The following SRD5A2 variants were observed in gnomAD, a reference collection of about 807,000 sequenced individuals.
The protein encoded by SRD5A2 is steroid 5 alpha-reductase 2.
In SRD5A2, 30 loss-of-function variants were observed where a neutral mutation model predicts 27.4. The observed-to-expected ratio is 1.10, with a 90% CI of 0.82 to 1.49. The LOEUF (loss-of-function observed/expected upper bound fraction) is 1.49. Among genes scored for constraint, SRD5A2 ranks in the 40% most tolerant of loss-of-function variants. The probability of loss-of-function intolerance (pLI) is 0.00; values close to 1 mark genes in which losing one functional copy is unlikely to be tolerated. For missense variants in SRD5A2, 348 were observed against 323.4 expected (o/e 1.08, Z -0.58); for synonymous variants, 141 against 133.6 (o/e 1.06, Z -0.38).
At chr2:31,582,492 C>G (rs753417961), upstream of SRD5A2, among the ~76,000 whole-genome samples, 1 of 152,038 alleles carries the variant, frequency 6.6e-6, no homozygotes, top group Non-Finnish European at 1.5e-5. Context: ...CTCATACTGA[C>G]CGAAGCATTT....
At chr2:31,565,023 C>T (rs1417943328) in intron 1 of SRD5A2, among the ~76,000 whole-genome samples, 1 of 151,666 alleles carries the variant, frequency 6.6e-6, no homozygotes, top group Admixed American at 6.6e-5. Flanking sequence ...TAAGTTGAGG[C>T]TTTTATAGCA....
At chr2:31,541,801 T>A (rs762353414) in intron 1 of SRD5A2, among the ~76,000 whole-genome samples, 18 of 152,156 alleles carry the variant, frequency 1.2e-4, no homozygotes, top group Non-Finnish European at 5.9e-5. Context: ...ATTGTGGGGC[T>A]CTGCATTGAA....
the SRD5A2 span, among the ~76,000 whole-genome samples, chr2:31,630,592 A>C: frequency 6.6e-6 from 1 of 152,222 alleles, no homozygotes; most frequent in African/African-American, 2.4e-5. Context: ...GCCCAAATGC[A>C]TTCAATCTGT....
rs28383058 is a variant in SRD5A2 at position 31,530,226 on chromosome 2, C to T, written c.548-769G>A. Reference sequence around the variant, plus strand: ...TTCTTTCTACAGTTACATAAAAATACTTTGTTTTAAATCATTCTCTATTAT... The same window carrying T: ...TTCTTTCTACAGTTACATAAAAATATTTTGTTTTAAATCATTCTCTATTAT... On this transcript the variant is annotated intron_variant, in intron 3 of 4. Coordinates refer to ENST00000622030, the MANE Select transcript of SRD5A2 (RefSeq NM_000348.4). Among the ~76,000 whole-genome samples the T allele has an allele frequency of 9.7e-3, 1,479 of 152,294 alleles. 22 individuals carry two copies. Among genetic ancestry groups the T allele is most frequent in the South Asian group, 0.044 (211 of 4,824 alleles).
chr2:31,658,524 C>T, the SRD5A2 span, among the ~76,000 whole-genome samples: 1 of 151,052 alleles, frequency 6.6e-6, no homozygotes, highest in Non-Finnish European at 1.5e-5. Flanking sequence ...CTTGAAATGG[C>T]AAAGGGGACA....
intron 1 of SRD5A2, among the ~76,000 whole-genome samples, chr2:31,550,793 A>C (rs1666367059): frequency 6.6e-6 from 1 of 152,048 alleles, no homozygotes; most frequent in African/African-American, 2.4e-5. Flanking sequence ...TCAGTAACTG[A>C]ATGTTTTTTC....
chr2:31,530,456 T>C (rs985079186), intron 3 of SRD5A2, among the ~76,000 whole-genome samples: 3 of 152,216 alleles, frequency 2.0e-5, no homozygotes, highest in Non-Finnish European at 2.9e-5. Context: ...GCAAAGGGCC[T>C]ATAAATTTTC....
At chr2:31,656,304 C>T in the SRD5A2 span, among the ~76,000 whole-genome samples, 2 of 152,088 alleles carry the variant, frequency 1.3e-5, no homozygotes, top group African/African-American at 4.8e-5. Flanking sequence ...CATCACATTC[C>T]CATGGTTTCC....
chr2:31,577,883 T>C (rs754116503), intron 1 of SRD5A2, among the ~76,000 whole-genome samples: 22 of 152,170 alleles, frequency 1.4e-4, no homozygotes, highest in Non-Finnish European at 2.8e-4. Context: ...TTGAAAAGAA[T>C]TTAGATGCAA....
At chr2:31,618,640 CAG>C in the SRD5A2 span, among the ~76,000 whole-genome samples, 2 of 151,922 alleles carry the variant, frequency 1.3e-5, no homozygotes, top group African/African-American at 4.8e-5. Context: ...CTCATAAAAA[CAG>C]AGAGTAGAAG....
chr2:31,592,158 TA>T, the SRD5A2 span, among the ~76,000 whole-genome samples: 1,823 of 140,288 alleles, frequency 0.013, 21 homozygotes, highest in South Asian at 0.048. Context: ...TTTCAGCAAT[TA>T]AAAAAAAAAA....
the SRD5A2 span, among the ~76,000 whole-genome samples, chr2:31,660,453 CAT>C: frequency 6.6e-6 from 1 of 152,104 alleles, no homozygotes; most frequent in African/African-American, 2.4e-5. Context: ...GTCATACACA[CAT>C]GTTATTATAC....
intron 1 of SRD5A2, among the ~76,000 whole-genome samples, chr2:31,560,909 A>C (rs958459725): frequency 2.6e-5 from 4 of 152,190 alleles, no homozygotes; most frequent in African/African-American, 9.7e-5. Flanking sequence ...TAGTCTCCTA[A>C]GGGCTGTTGC....
the SRD5A2 span, chr2:31,651,234 A>G: frequency 6.6e-6 from 1 of 152,212 alleles, no homozygotes; most frequent in Non-Finnish European, 1.5e-5. Context: ...AGTGAGATGC[A>G]CAAAGACCAT....
At chr2:31,623,465 C>T in the SRD5A2 span, among the ~76,000 whole-genome samples, 2 of 152,082 alleles carry the variant, frequency 1.3e-5, no homozygotes, top group Non-Finnish European at 2.9e-5. Flanking sequence ...CAGCCTCAGC[C>T]CAGTTCTGTG....
chr2:31,597,643 A>G, the SRD5A2 span, among the ~76,000 whole-genome samples: 1 of 152,194 alleles, frequency 6.6e-6, no homozygotes, highest in African/African-American at 2.4e-5. Context: ...TGGGCTAAGG[A>G]CATGATTAGA....
At chr2:31,654,781 C>A in the SRD5A2 span, among the ~76,000 whole-genome samples, 2 of 152,174 alleles carry the variant, frequency 1.3e-5, no homozygotes, top group Non-Finnish European at 2.9e-5. Flanking sequence ...GGCACACCCA[C>A]CATATCTGCT....
rs534671822 is a variant in SRD5A2 at position 31,529,416 on chromosome 2, C to T, written c.589G>A (p.Glu197Lys). The T allele has an allele frequency of 8.1e-6, 13 of 1,613,886 alleles. No homozygotes were observed. The South Asian group carries it at 1.3e-4, about 16-fold the overall frequency. ...TYVSGANFLG[E>K]IIEWIGYALA... ...GCATAGCCGATCCATTCAATGATCT[C>T]ACCGAGGAAATTGGCTCCAGAAACA... The change falls in exon 4 of 5, where the codon GAG (glutamate) becomes AAG (lysine). Residue 197 changes from glutamate (E) to lysine (K), a missense_variant. Glu to Lys is a moderately conservative substitution (Grantham distance 56). Coordinates refer to ENST00000622030, the MANE Select transcript of SRD5A2 (RefSeq NM_000348.4).
the SRD5A2 span, among the ~76,000 whole-genome samples, chr2:31,654,144 C>G: frequency 6.6e-6 from 1 of 151,836 alleles, no homozygotes; most frequent in African/African-American, 2.4e-5. Flanking sequence ...ACATACAGTT[C>G]CAGAGATATG....
Sources: allele counts gnomAD v4.1 joint callset (sites outside exome capture counted in the v4.1 genomes callset), GRCh38; gene constraint gnomAD v4.1.1; transcripts MANE v1.5; gene names NCBI Gene and HGNC (gene_info 2026-07-23, HGNC 2026-07-21).